Variants in PLEKHA6 observed in about 807,000 individuals in gnomAD.
PLEKHA6 encodes the protein pleckstrin homology domain containing A6, also known as pleckstrin homology domain-containing family A member 6.
Under a neutral mutation model 116.7 loss-of-function variants are expected in PLEKHA6, and 60 were observed. That is an observed-to-expected ratio of 0.51 (90% CI 0.42 to 0.64). The LOEUF (loss-of-function observed/expected upper bound fraction) is 0.64. PLEKHA6 is among the 30% of genes least tolerant of loss of function. The probability of loss-of-function intolerance (pLI) is 0.00; values close to 1 mark genes in which losing one functional copy is unlikely to be tolerated. For synonymous variants in PLEKHA6, 489 were observed against 556.1 expected, an observed-to-expected ratio of 0.88 and a Z score of 1.70; for missense variants, 1,338 against 1,422.7, an observed-to-expected ratio of 0.94 and a Z score of 0.96.
Position 204,248,155 on chromosome 1 carries a change from C to CTTTTTTTTT in PLEKHA6, c.1824+657_1824+665dup, listed in dbSNP as rs34335278. On this transcript the variant is annotated intron_variant, in intron 12 of 22. Transcript: ENST00000272203. ...GGGAAGTAGTGACCAGGGCAGCAGCCTTTTTTTTTTTTTTTTTTTTGAGAT... is the reference window on the plus strand; with the variant it reads ...GGGAAGTAGTGACCAGGGCAGCAGCCTTTTTTTTTTTTTTTTTTTTTTTTTTTTTGAGAT... Among the ~76,000 whole-genome samples the CTTTTTTTTT allele has an allele frequency of 7.4e-5, 7 of 95,228 alleles. 1 individual carries two copies. The highest frequency in any genetic ancestry group is 1.4e-4 in the Admixed American group (1 of 7,380). The allele number at this position is 95,228 out of a possible 152,430, so 62.5% of individuals were successfully genotyped here. A position where few individuals can be genotyped will look rare whatever the true frequency, so the allele number is the denominator to read the frequency against.
chr1:204,262,536 G>A (rs748808973), intron 6 of PLEKHA6, among the ~76,000 whole-genome samples: 4 of 152,044 alleles, frequency 2.6e-5, no homozygotes, highest in Non-Finnish European at 4.4e-5. Flanking sequence ...TCAGAGTCTC[G>A]GATGTGAGCC....
intron 1 of PLEKHA6, chr1:204,313,581 T>C (rs1671745023): frequency 3.0e-6 from 3 of 985,106 alleles, no homozygotes; most frequent in South Asian, 9.4e-5. Flanking sequence ...TCTCAGTCCC[T>C]GGGGAGAAAA....
Position 204,273,678 on chromosome 1 carries a change from A to T in PLEKHA6, c.50T>A (p.Ile17Lys), listed in dbSNP as rs753801099. The change falls in exon 3 of 23, where the codon ATA becomes AAA. Residue 17 changes from isoleucine (I) to lysine (K), a missense_variant. Physicochemically the swap from Ile to Lys is moderately radical, Grantham distance 102 (BLOSUM62 -3). Coordinates refer to ENST00000272203, the MANE Select transcript of PLEKHA6 (RefSeq NM_014935.5). ...GKRPATTNSD[I>K]PNHNMVSEVP... Reference sequence around the variant, plus strand: ...CTCGGACACCATGTTGTGGTTGGGTATGTCACTGTTGGTGGTAGCCGGGCG... The same window carrying T: ...CTCGGACACCATGTTGTGGTTGGGTTTGTCACTGTTGGTGGTAGCCGGGCG... The T allele has an allele frequency of 1.9e-6, 3 of 1,614,128 alleles. No homozygotes were observed. Among genetic ancestry groups the T allele is most frequent in the Non-Finnish European group, 2.5e-6 (3 of 1,180,000 alleles).
Position 204,245,741 on chromosome 1 carries a change from C to G in PLEKHA6, c.1921-15G>C. 1 of 1,570,280 alleles carries G rather than the reference C, an allele frequency of 6.4e-7. No homozygotes were observed. Among genetic ancestry groups the G allele is most frequent in the East Asian group, 2.2e-5 (1 of 44,692 alleles). On this transcript the variant is annotated splice_polypyrimidine_tract_variant and intron_variant, in intron 13 of 22. Coordinates refer to ENST00000272203, the MANE Select transcript of PLEKHA6 (RefSeq NM_014935.5). ...AGCACCTCATTCTGAAGCAGCCACA[C>G]AGTGAGTCAAAGGAAATGGCCATGA...
upstream of PLEKHA6, among the ~76,000 whole-genome samples, chr1:204,360,524 C>T (rs954835738): frequency 6.6e-6 from 1 of 152,170 alleles, no homozygotes; most frequent in African/African-American, 2.4e-5. Context: ...CTCCCAGGCC[C>T]TGGGAGGGAA....
intron 1 of PLEKHA6, among the ~76,000 whole-genome samples, chr1:204,338,688 G>C (rs891367322): frequency 6.6e-6 from 1 of 152,208 alleles, no homozygotes; most frequent in Non-Finnish European, 1.5e-5. Context: ...TGTGGCTCCT[G>C]TGGGCAACCA....
In PLEKHA6 at chr1:204,264,267, G is replaced by A. The variant is rs148410050; in HGVS notation, c.381+675C>T. Among the ~76,000 whole-genome samples the A allele has an allele frequency of 2.0e-5, 3 of 152,252 alleles. No homozygotes were observed. The East Asian group carries it at 5.8e-4, about 29-fold the overall frequency. On this transcript the variant is annotated intron_variant, in intron 6 of 22. Transcript: ENST00000272203. ...TGATGGGTCGTGACTTTTTAAACGTGGAAAAACACTGGCCTAGGATGAGCC... is the reference window on the plus strand; with the variant it reads ...TGATGGGTCGTGACTTTTTAAACGTAGAAAAACACTGGCCTAGGATGAGCC...
chr1:204,246,299 A>C (rs1021035623), intron 13 of PLEKHA6, among the ~76,000 whole-genome samples: 4 of 152,218 alleles, frequency 2.6e-5, no homozygotes, highest in Non-Finnish European at 4.4e-5. Context: ...TAAGGGCAGC[A>C]GCTATCCCCT....
intron 1 of PLEKHA6, among the ~76,000 whole-genome samples, chr1:204,377,154 A>G (rs1281236892): frequency 6.6e-6 from 1 of 152,168 alleles, no homozygotes; most frequent in Admixed American, 6.5e-5. Context: ...ACTGAGTGGT[A>G]GAGGCAGGAT....
chr1:204,236,780 A>G (rs1662113786), intron 17 of PLEKHA6, among the ~76,000 whole-genome samples: 1 of 152,204 alleles, frequency 6.6e-6, no homozygotes, highest in Non-Finnish European at 1.5e-5. Context: ...ATACAAGCAG[A>G]AAGCTTCCAA....
At position 204,220,577 on chromosome 1, in the gene PLEKHA6, T is replaced by C. The variant is rs530548865; in HGVS notation, c.*2211A>G. 3 of 152,692 alleles carry C rather than the reference T, an allele frequency of 2.0e-5. No homozygotes were observed. Among genetic ancestry groups the C allele is most frequent in the South Asian group, 4.2e-4 (2 of 4,818 alleles). 9.5% of individuals were successfully genotyped at this position (152,692 alleles called of 1,614,324 possible). A position where few individuals can be genotyped will look rare whatever the true frequency, so the allele number is the denominator to read the frequency against. The stretch of plus-strand genomic sequence containing the variant: ...TTTTTAAACAAAAGCATAAAATAGA[T>C]GTCTTAAAATAAGTCTTTCCTCTCC... On this transcript the variant is annotated 3_prime_UTR_variant, in exon 23 of 23. Coordinates refer to ENST00000272203, the MANE Select transcript of PLEKHA6 (RefSeq NM_014935.5).
chr1:204,278,201 G>A (rs770911226), intron 1 of PLEKHA6, among the ~76,000 whole-genome samples: 2 of 152,164 alleles, frequency 1.3e-5, no homozygotes, highest in South Asian at 2.1e-4. Context: ...GAAGGTCATC[G>A]CTGCCATCCC....
Position 204,285,640 on chromosome 1 carries a change from T to A in PLEKHA6, c.-94-10831A>T, listed in dbSNP as rs185240300. ...TCAGGCACGGGCCACCACGCTTGGC[T>A]AATTTGTTGTATTTTTAGTAGAGAC... is the stretch of plus-strand genomic sequence containing the variant. On this transcript the variant is annotated intron_variant, in intron 1 of 22. Transcript: ENST00000272203. Among the ~76,000 whole-genome samples, 384 of 152,304 alleles carry A rather than the reference T, an allele frequency of 2.5e-3. 2 individuals carry two copies. Among genetic ancestry groups the A allele is most frequent in the Admixed American group, 4.8e-3 (73 of 15,304 alleles).
At chr1:204,279,711 T>C (rs1668400159) in intron 1 of PLEKHA6, among the ~76,000 whole-genome samples, 1 of 152,198 alleles carries the variant, frequency 6.6e-6, no homozygotes, top group African/African-American at 2.4e-5. Flanking sequence ...GTGGCCCTGA[T>C]GGCAGTGCCA....
At position 204,273,758 on chromosome 1, in the gene PLEKHA6, A is replaced by G; in HGVS notation, c.-13-18T>C. ...AGGTCGATCTGATTTCAAGTCGACC[A>G]GAGAAAAGAGATTGGTGAGATCCAA... On this transcript the variant is annotated intron_variant, in intron 2 of 22. Coordinates refer to ENST00000272203, the MANE Select transcript of PLEKHA6 (RefSeq NM_014935.5). 7 of 1,531,074 alleles carry G rather than the reference A, an allele frequency of 4.6e-6. No homozygotes were observed. The highest frequency in any genetic ancestry group is 5.4e-6 in the Non-Finnish European group (6 of 1,104,342). 94.8% of individuals were successfully genotyped at this position (1,531,074 alleles called of 1,614,324 possible).
chr1:204,240,726 T>C (rs1448245774), intron 17 of PLEKHA6, among the ~76,000 whole-genome samples: 2 of 152,204 alleles, frequency 1.3e-5, no homozygotes, highest in African/African-American at 4.8e-5. Context: ...TGGGTTCAAG[T>C]TGACAAGGGG....
chr1:204,363,265 C>T (rs1401928255), upstream of PLEKHA6, among the ~76,000 whole-genome samples: 1 of 152,228 alleles, frequency 6.6e-6, no homozygotes, highest in Non-Finnish European at 1.5e-5. Context: ...CCTGGAAGCA[C>T]GCGGGGCAGA....
At chr1:204,360,196 T>A (rs1416501719), upstream of PLEKHA6, among the ~76,000 whole-genome samples, 1 of 152,156 alleles carries the variant, frequency 6.6e-6, no homozygotes, top group Non-Finnish European at 1.5e-5. Flanking sequence ...GTAAGCTGCA[T>A]TTTTAGAGTC....
chr1:204,287,710 C>G (rs1183628457), intron 1 of PLEKHA6, among the ~76,000 whole-genome samples: 1 of 152,164 alleles, frequency 6.6e-6, no homozygotes, highest in East Asian at 1.9e-4. Flanking sequence ...TGGCCCCATC[C>G]AGGAAATCGG....
Sources: allele counts gnomAD v4.1 joint callset (sites outside exome capture counted in the v4.1 genomes callset), GRCh38; gene constraint gnomAD v4.1.1; transcripts MANE v1.5; gene names NCBI Gene and HGNC (gene_info 2026-07-23, HGNC 2026-07-21).